Variants in ANKHD1 observed in about 807,000 individuals in gnomAD.
ANKHD1 encodes the protein ankyrin repeat and KH domain containing 1.
Under a neutral mutation model 230.5 loss-of-function variants are expected in ANKHD1, and 31 were observed. The ratio of observed to expected loss-of-function variants is 0.13; its 90% CI spans 0.10 to 0.18. The LOEUF is 0.18. Ranked by LOEUF, ANKHD1 falls within the 10% of genes least tolerant of loss-of-function variation. The probability of loss-of-function intolerance (pLI) is 1.00; values close to 1 mark genes in which losing one functional copy is unlikely to be tolerated. For missense variants in ANKHD1, 2,256 were observed against 3,071.3 expected (o/e 0.73, Z 6.27); for synonymous variants, 1,074 against 1,117.6 (o/e 0.96, Z 0.78).
rs181979768 is a variant in ANKHD1 at position 140,500,138 on chromosome 5, G to A, written c.3004+2860G>A. ...CCTGCATCGGCCTCTCAAAGTGTTG[G>A]TTTTACGGGCGTGAGCCACCGCGCC... On this transcript the variant is annotated intron_variant, in intron 15 of 33. Coordinates refer to ENST00000360839, the MANE Select transcript of ANKHD1 (RefSeq NM_017747.3). Among the ~76,000 whole-genome samples, 34 of 152,048 alleles carry A rather than the reference G, an allele frequency of 2.2e-4. No individual in the cohort carries two copies. In the East Asian group the frequency reaches 4.6e-3, roughly 21 times the overall value.
intron 10 of ANKHD1, among the ~76,000 whole-genome samples, chr5:140,466,086 G>A (rs905728046): frequency 6.6e-6 from 1 of 152,084 alleles, no homozygotes; most frequent in African/African-American, 2.4e-5. Flanking sequence ...AACCTGTTGG[G>A]AGTTCTTCTA....
At chr5:140,524,364 C>A in intron 25 of ANKHD1, 124 bp downstream of exon 25, 1 of 1,381,888 alleles carries the variant, frequency 7.2e-7, no homozygotes, top group Non-Finnish European at 9.4e-7. Flanking sequence ...CTGAAATGGA[C>A]AATGACTTTT....
intron 1 of ANKHD1, among the ~76,000 whole-genome samples, chr5:140,413,793 T>C (rs938936056): frequency 6.6e-6 from 1 of 152,162 alleles, no homozygotes; most frequent in East Asian, 1.9e-4. Flanking sequence ...GTTTTGTTTT[T>C]TTTTGGAGAT....
Position 140,507,866 on chromosome 5 carries a change from T to C in ANKHD1, c.3633T>C (p.Asp1211=). 2.5e-6 allele frequency: 4 copies of C among 1,614,182 alleles called. No individual in the cohort carries two copies. Among genetic ancestry groups the C allele is most frequent in the Non-Finnish European group, 3.4e-6 (4 of 1,180,038 alleles). Residue 1211 remains aspartate (D), a synonymous_variant, in exon 20 of 34, where the codon GAT becomes GAC. Transcript: ENST00000360839. The surrounding 1 kb of genome is among the most constrained non-coding windows in gnomAD (Gnocchi z 4.1). Reference sequence around the variant, plus strand: ...TTCCTGCAGTAAAATTGCTGCTCGATATGGGTTCAGACATTAATGCCCAAA... The same window carrying C: ...TTCCTGCAGTAAAATTGCTGCTCGACATGGGTTCAGACATTAATGCCCAAA... ...GHVPAVKLLL[D]MGSDINAQIE... is the part of the protein sequence containing the mutation.
At chr5:140,421,840 G>A (rs567691632) in intron 1 of ANKHD1, among the ~76,000 whole-genome samples, 36 of 152,216 alleles carry the variant, frequency 2.4e-4, no homozygotes, top group African/African-American at 7.9e-4. Context: ...TTTTCTTTTA[G>A]TTTGAAGAGA....
chr5:140,405,961 C>T (rs890276973), intron 1 of ANKHD1, among the ~76,000 whole-genome samples: 1 of 148,896 alleles, frequency 6.7e-6, no homozygotes, highest in Non-Finnish European at 1.5e-5. Flanking sequence ...TTATAACCAC[C>T]GGGCATGGTG....
intron 22 of ANKHD1, 121 bp from the exon 23 acceptor site, chr5:140,512,707 A>T: frequency 1.3e-6 from 1 of 762,034 alleles, no homozygotes; most frequent in Non-Finnish European, 2.0e-6. Flanking sequence ...TTAAATTGGT[A>T]GGCATATATG....
intron 10 of ANKHD1, among the ~76,000 whole-genome samples, chr5:140,471,221 C>T (rs1776474053): frequency 6.6e-6 from 1 of 152,124 alleles, no homozygotes; most frequent in African/African-American, 2.4e-5. Context: ...TTCCAATTCA[C>T]TTTCCAGTCT....
At chr5:140,460,026 G>T (rs1304791898) in intron 9 of ANKHD1, among the ~76,000 whole-genome samples, 1 of 152,070 alleles carries the variant, frequency 6.6e-6, no homozygotes, top group African/African-American at 2.4e-5. Context: ...GCTTGTGGAA[G>T]GGAGATGTTA....
At chr5:140,516,058 G>T (rs1752990569) in intron 24 of ANKHD1, among the ~76,000 whole-genome samples, 1 of 152,094 alleles carries the variant, frequency 6.6e-6, no homozygotes, top group African/African-American at 2.4e-5. Context: ...AAAAAATTTA[G>T]AAGATTGTAT....
At chr5:140,538,330 C>A in intron 32 of ANKHD1, 69 bp downstream of exon 32, 1 of 1,558,650 alleles carries the variant, frequency 6.4e-7, no homozygotes, top group Non-Finnish European at 8.7e-7. Flanking sequence ...TTAAGGAATA[C>A]CTTGTATTGA....
At chr5:140,410,156 A>G (rs1421404107) in intron 1 of ANKHD1, among the ~76,000 whole-genome samples, 1 of 152,166 alleles carries the variant, frequency 6.6e-6, no homozygotes, top group African/African-American at 2.4e-5. Context: ...TGCTCTTTAT[A>G]CTTTTAATAA....
At chr5:140,420,915 G>T (rs184355809) in intron 1 of ANKHD1, among the ~76,000 whole-genome samples, 1 of 152,286 alleles carries the variant, frequency 6.6e-6, no homozygotes, top group Admixed American at 6.5e-5. Context: ...ATAGACAAAT[G>T]ATTCAACCCC....
intron 14 of ANKHD1, among the ~76,000 whole-genome samples, chr5:140,493,185 C>G (rs1208977404): frequency 6.6e-6 from 1 of 152,204 alleles, no homozygotes; most frequent in Non-Finnish European, 1.5e-5. Context: ...CTTCAGCCTT[C>G]TGAGTAGCTG....
chr5:140,510,118 A>G lies in ANKHD1; in HGVS notation c.4041A>G (p.Ala1347=), dbSNP rs753041369. 6.2e-7 allele frequency: 1 copy of G among 1,614,134 alleles called. No individual in the cohort carries two copies. The highest frequency in any genetic ancestry group is 2.2e-5 in the East Asian group (1 of 44,884). ...ATGTTGTGCAGTTGCTAGTGCAAGC[A>G]GGTGCTGATGTGGATGCAGCAGATA... is the stretch of plus-strand genomic sequence containing the variant. ...HFDVVQLLVQ[A]GADVDAADNR... The change falls in exon 22 of 34, where the codon GCA becomes GCG. Residue 1347 remains alanine, a synonymous_variant. Coordinates refer to ENST00000360839, the MANE Select transcript of ANKHD1 (RefSeq NM_017747.3).
chr5:140,497,741 C>G (rs1752094850), intron 15 of ANKHD1, among the ~76,000 whole-genome samples: 1 of 152,012 alleles, frequency 6.6e-6, no homozygotes, highest in South Asian at 2.1e-4. Context: ...ATGGGATGTT[C>G]AGATAAAACT....
intron 24 of ANKHD1, among the ~76,000 whole-genome samples, chr5:140,516,813 C>T (rs1439060140): frequency 2.4e-4 from 36 of 151,452 alleles, no homozygotes; most frequent in Admixed American, 1.1e-3. Context: ...AAGGAACAAC[C>T]GGTACCAGCC....
Position 140,529,026 on chromosome 5 carries a change from C to T in ANKHD1, c.6080C>T (p.Thr2027Ile), listed in dbSNP as rs139132638. Reference protein sequence around the residue: ...KMESFSAVPPTKEKVSTQDQP... With the variant: ...KMESFSAVPPIKEKVSTQDQP... ...GAGTCTTTCTCTGCTGTGCCACCCA[C>T]CAAAGAGAAAGTGTCCACACAGGAC... Residue 2027 changes from threonine (T) to isoleucine (I), a missense_variant, in exon 29 of 34, where the codon ACC (threonine) becomes ATC (isoleucine). By Grantham distance (89) the Thr-to-Ile change is moderately conservative (BLOSUM62 -1). Transcript: ENST00000360839. 6.2e-7 allele frequency: 1 copy of T among 1,614,100 alleles called. No homozygotes were observed. Among genetic ancestry groups the T allele is most frequent in the Non-Finnish European group, 8.5e-7 (1 of 1,180,034 alleles).
At position 140,453,148 on chromosome 5, in the gene ANKHD1, C is replaced by T. The variant is rs190082447; in HGVS notation, c.1242+3843C>T. On this transcript the variant is annotated intron_variant, in intron 7 of 33. Coordinates refer to ENST00000360839, the MANE Select transcript of ANKHD1 (RefSeq NM_017747.3). ...TGAAGATCAAATGAATGAAATGAAGCGAGAAGTTTGGAGAAAAAAGGGTAA... is the reference window on the plus strand; with the variant it reads ...TGAAGATCAAATGAATGAAATGAAGTGAGAAGTTTGGAGAAAAAAGGGTAA... Among the ~76,000 whole-genome samples, 343 of 151,244 alleles carry T rather than the reference C, an allele frequency of 2.3e-3. 1 individual carries two copies. The highest frequency in any genetic ancestry group is 0.01 in the Middle Eastern group (3 of 292).
Sources: gnomAD v4.1 joint callset for allele counts (sites outside exome capture counted in the v4.1 genomes callset) on GRCh38, gnomAD v4.1.1 for gene constraint, Gnocchi (gnomAD v3.1) non-coding constraint, MANE v1.5 for transcripts, NCBI Gene and HGNC (gene_info 2026-07-23, HGNC 2026-07-21) for gene names.